UNC13C: variants seen among roughly 807,000 people sequenced by gnomAD.
UNC13C encodes unc-13 homolog C.
In UNC13C, 174 loss-of-function variants were observed where a neutral mutation model predicts 245.4. The ratio of observed to expected loss-of-function variants is 0.71; its 90% CI spans 0.63 to 0.80. The LOEUF (loss-of-function observed/expected upper bound fraction) is 0.80. Among genes scored for constraint, UNC13C ranks in the 30% least tolerant of loss-of-function variants. The pLI is 0.00. For synonymous variants in UNC13C, 992 were observed against 895.1 expected, an observed-to-expected ratio of 1.11 and a Z score of -1.93; for missense variants, 2,829 against 2,602.9, an observed-to-expected ratio of 1.09 and a Z score of -1.89.
intron 2 of UNC13C, among the ~76,000 whole-genome samples, chr15:54,136,476 T>C (rs1010431088): frequency 8.5e-5 from 13 of 152,196 alleles, no homozygotes; most frequent in Admixed American, 2.6e-4. Flanking sequence ...ATGTGAGTTA[T>C]TGTCACCTGT....
At chr15:54,073,959 T>TA (rs1898461833) in intron 2 of UNC13C, among the ~76,000 whole-genome samples, 1 of 152,022 alleles carries the variant, frequency 6.6e-6, no homozygotes, top group African/African-American at 2.4e-5. Flanking sequence ...TGCCCATGCC[T>TA]ATGTCCAGAA....
At chr15:54,589,003 A>G (rs1312457530) in intron 30 of UNC13C, among the ~76,000 whole-genome samples, 1 of 152,180 alleles carries the variant, frequency 6.6e-6, no homozygotes. Context: ...GATACCCAGT[A>G]GTGAGATTGC....
At chr15:54,250,127 C>G in intron 7 of UNC13C, 98 bp from the exon 8 acceptor site, 1 of 1,171,782 alleles carries the variant, frequency 8.5e-7, no homozygotes, top group South Asian at 1.3e-5. Flanking sequence ...CTCAAAATAC[C>G]ATTTTCAGAG....
At chr15:54,208,397 C>T (rs113297425) in intron 4 of UNC13C, among the ~76,000 whole-genome samples, 1 of 152,170 alleles carries the variant, frequency 6.6e-6, no homozygotes, top group South Asian at 2.1e-4. Flanking sequence ...TATAACAGTA[C>T]CTGCCAAATA....
At chr15:54,011,177 T>C (rs990714942) in intron 1 of UNC13C, among the ~76,000 whole-genome samples, 5 of 152,126 alleles carry the variant, frequency 3.3e-5, no homozygotes, top group African/African-American at 4.8e-5. Flanking sequence ...TTCTCTGTGG[T>C]TGGAATACGA....
At position 54,344,647 on chromosome 15, in the gene UNC13C, C is replaced by T. The variant is rs192711122; in HGVS notation, c.4713+6158C>T. Among the ~76,000 whole-genome samples the T allele has an allele frequency of 2.0e-5, 3 of 152,256 alleles. No individual in the cohort carries two copies. The East Asian group carries it at 5.8e-4, about 29-fold the overall frequency. On this transcript the variant is annotated intron_variant, in intron 17 of 32. Transcript: ENST00000260323. Reference sequence around the variant, plus strand: ...GCCCTTTTGAAGCCATCTAGGAATACTTCATATGATTAAGGCTTATCTCCC... The same window carrying T: ...GCCCTTTTGAAGCCATCTAGGAATATTTCATATGATTAAGGCTTATCTCCC...
At chr15:53,959,001 T>C in the UNC13C span, among the ~76,000 whole-genome samples, 2 of 152,154 alleles carry the variant, frequency 1.3e-5, no homozygotes, top group Admixed American at 6.5e-5. Context: ...TCTACCTCCA[T>C]GAGAGCAACA....
chr15:53,981,221 C>A (rs916333167), intron 1 of UNC13C, among the ~76,000 whole-genome samples: 2 of 152,152 alleles, frequency 1.3e-5, no homozygotes, highest in Non-Finnish European at 2.9e-5. Context: ...ATTATGCCAC[C>A]TGTACGTTGT....
intron 10 of UNC13C, among the ~76,000 whole-genome samples, chr15:54,282,929 G>A (rs181209816): frequency 2.8e-4 from 42 of 152,246 alleles, no homozygotes; most frequent in Admixed American, 8.5e-4. Flanking sequence ...GGTCTTTATA[G>A]GCACAGGATG....
chr15:54,535,807 G>T (rs997527229), intron 26 of UNC13C, among the ~76,000 whole-genome samples: 1 of 151,960 alleles, frequency 6.6e-6, no homozygotes, highest in African/African-American at 2.4e-5. Flanking sequence ...AAAAGAAAAG[G>T]TATAACATAC....
the UNC13C span, among the ~76,000 whole-genome samples, chr15:53,875,959 G>A: frequency 3.9e-5 from 6 of 152,134 alleles, no homozygotes; most frequent in Non-Finnish European, 8.8e-5. Context: ...CAATTCATGT[G>A]CTATGTCAAG....
intron 4 of UNC13C, among the ~76,000 whole-genome samples, chr15:54,146,229 T>C (rs992217569): frequency 8.5e-5 from 13 of 152,192 alleles, no homozygotes; most frequent in Admixed American, 2.6e-4. Context: ...CCTAAAAAAC[T>C]ATGACTGGGG....
chr15:54,523,266 A>C (rs1387539324), intron 24 of UNC13C, among the ~76,000 whole-genome samples: 4 of 152,218 alleles, frequency 2.6e-5, no homozygotes, highest in Non-Finnish European at 5.9e-5. Context: ...CATTATGCTC[A>C]TTATTGAAAA....
chr15:53,860,748 G>A, the UNC13C span, among the ~76,000 whole-genome samples: 1 of 152,076 alleles, frequency 6.6e-6, no homozygotes, highest in African/African-American at 2.4e-5. Flanking sequence ...AATTTTAACA[G>A]TCTTACATTG....
At chr15:53,989,200 T>C (rs1042086913) in intron 1 of UNC13C, among the ~76,000 whole-genome samples, 3 of 151,952 alleles carry the variant, frequency 2.0e-5, no homozygotes, top group African/African-American at 7.2e-5. Context: ...CCCTTCCAAA[T>C]TGTGATCAAA....
intron 10 of UNC13C, among the ~76,000 whole-genome samples, chr15:54,277,562 C>G (rs1484662945): frequency 6.6e-6 from 1 of 152,080 alleles, no homozygotes; most frequent in African/African-American, 2.4e-5. Flanking sequence ...TTATAGAACT[C>G]TACTAATTGG....
At chr15:54,043,647 C>G (rs1239769863) in intron 2 of UNC13C, among the ~76,000 whole-genome samples, 1 of 152,228 alleles carries the variant, frequency 6.6e-6, no homozygotes, top group Non-Finnish European at 1.5e-5. Context: ...ACTCTTGCCA[C>G]AATTTCTATG....
At chr15:54,484,720 G>A (rs529453867) in intron 19 of UNC13C, among the ~76,000 whole-genome samples, 4 of 152,092 alleles carry the variant, frequency 2.6e-5, no homozygotes, top group Non-Finnish European at 4.4e-5. Context: ...AAAGAGCTTA[G>A]TTGAAATCTA....
In UNC13C at chr15:54,347,942, TTATCTC is replaced by T. The variant is rs368923318; in HGVS notation, c.4713+9458_4713+9463del. Among the ~76,000 whole-genome samples the T allele has an allele frequency of 4.9e-4, 74 of 152,300 alleles. No homozygotes were observed. The Middle Eastern group carries it at 0.014, about 28-fold the overall frequency. On this transcript the variant is annotated intron_variant, in intron 17 of 32. Transcript: ENST00000260323. ...ATATCTATTATTTGTGATACAGTCT[TTATCTC>T]TATCAACCTGTGATATAATACATTT...
Sources: allele counts gnomAD v4.1 joint callset (sites outside exome capture counted in the v4.1 genomes callset), GRCh38; gene constraint gnomAD v4.1.1; transcripts MANE v1.5; gene names NCBI Gene and HGNC (gene_info 2026-07-23, HGNC 2026-07-21).